LTBP1: variants seen among roughly 807,000 people sequenced by gnomAD.
The protein encoded by LTBP1 is latent-transforming growth factor beta-binding protein 1.
A neutral mutation model predicts 207.6 loss-of-function variants in LTBP1; 129 were observed. The ratio of observed to expected loss-of-function variants is 0.62; its 90% CI spans 0.54 to 0.72. The LOEUF is 0.72. Among genes scored for constraint, LTBP1 ranks in the 30% least tolerant of loss-of-function variants. The pLI, the probability that LTBP1 is intolerant of heterozygous loss-of-function variation, is 0.00. For missense variants in LTBP1, 2,281 were observed against 2,217.2 expected (o/e 1.03, Z -0.58); for synonymous variants, 963 against 833.7 (o/e 1.16, Z -2.67).
At chr2:33,277,490 A>G (rs927860548) in intron 18 of LTBP1, among the ~76,000 whole-genome samples, 1 of 152,118 alleles carries the variant, frequency 6.6e-6, no homozygotes, top group African/African-American at 2.4e-5. Context: ...TAAAATAGGA[A>G]CCATGAAGTT....
At chr2:33,091,035 G>A (rs1448209627) in intron 3 of LTBP1, among the ~76,000 whole-genome samples, 1 of 152,156 alleles carries the variant, frequency 6.6e-6, no homozygotes, top group African/African-American at 2.4e-5. Context: ...TGCTCTAATT[G>A]TACTTAAGAA....
At chr2:33,268,380 G>A (rs770820758) in intron 15 of LTBP1, among the ~76,000 whole-genome samples, 4 of 152,138 alleles carry the variant, frequency 2.6e-5, no homozygotes, top group East Asian at 1.9e-4. Context: ...AGAACAATAC[G>A]TAAGAGTCTA....
chr2:33,233,404 T>A (rs2091893405), intron 9 of LTBP1, among the ~76,000 whole-genome samples: 2 of 152,148 alleles, frequency 1.3e-5, no homozygotes, highest in African/African-American at 4.8e-5. Flanking sequence ...TGTTTTATAT[T>A]GTTTAAGTAT....
intron 2 of LTBP1, among the ~76,000 whole-genome samples, chr2:32,953,972 G>T (rs143677046): frequency 1.4e-3 from 207 of 152,286 alleles, no homozygotes; most frequent in African/African-American, 4.7e-3. Context: ...AGGAGCTGCC[G>T]ATGGGGTGGG....
At chr2:33,184,841 A>G (rs1177764360) in intron 5 of LTBP1, among the ~76,000 whole-genome samples, 1 of 151,034 alleles carries the variant, frequency 6.6e-6, no homozygotes, top group African/African-American at 2.4e-5. Flanking sequence ...GCAGTAAAAC[A>G]TAACAAGGTA....
At chr2:33,173,606 A>T (rs1249909046) in intron 5 of LTBP1, among the ~76,000 whole-genome samples, 1 of 140,732 alleles carries the variant, frequency 7.1e-6, no homozygotes, top group African/African-American at 2.6e-5. Flanking sequence ...TTCCTTCTGA[A>T]ACTATTCCAA....
chr2:33,319,724 C>T (rs2094326084), intron 24 of LTBP1, among the ~76,000 whole-genome samples: 1 of 152,138 alleles, frequency 6.6e-6, no homozygotes, highest in Non-Finnish European at 1.5e-5. Flanking sequence ...CCTGTGCACT[C>T]TATCCTGTTC....
chr2:33,265,776 T>A (rs2093160153), intron 15 of LTBP1, among the ~76,000 whole-genome samples: 1 of 152,208 alleles, frequency 6.6e-6, no homozygotes, highest in South Asian at 2.1e-4. Context: ...TGAACAGTTA[T>A]TTTTAGAGTC....
rs551772723 is a variant in LTBP1 at position 33,026,191 on chromosome 2, C to T, written c.863+4985C>T. On this transcript the variant is annotated intron_variant, in intron 3 of 33. Coordinates refer to ENST00000404816, the MANE Select transcript of LTBP1 (RefSeq NM_206943.4). Reference sequence around the variant, plus strand: ...AGGATCCAAGGAATTGGTCAGTAGTCAAACGGATGATTTCCTTAAACGATC... The same window carrying T: ...AGGATCCAAGGAATTGGTCAGTAGTTAAACGGATGATTTCCTTAAACGATC... Among the ~76,000 whole-genome samples, 4 of 152,272 alleles carry T rather than the reference C, an allele frequency of 2.6e-5. No homozygotes were observed. The East Asian group carries it at 5.8e-4, about 22-fold the overall frequency.
intron 5 of LTBP1, among the ~76,000 whole-genome samples, chr2:33,139,889 C>G (rs2082503850): frequency 6.6e-6 from 1 of 152,160 alleles, no homozygotes; most frequent in Non-Finnish European, 1.5e-5. Flanking sequence ...CAGATTGGTG[C>G]AAGGCTGTGG....
At chr2:33,306,431 G>A (rs150977094) in intron 22 of LTBP1, among the ~76,000 whole-genome samples, 2,704 of 152,042 alleles carry the variant, frequency 0.018, 85 homozygotes, top group African/African-American at 0.062. Context: ...TTAGCCGGCC[G>A]TGGTGGCAGG....
At chr2:33,241,985 G>A (rs1447945466) in intron 9 of LTBP1, among the ~76,000 whole-genome samples, 1 of 152,184 alleles carries the variant, frequency 6.6e-6, no homozygotes, top group Non-Finnish European at 1.5e-5. Flanking sequence ...TCATCTAGCT[G>A]TAGCAGTTTC....
intron 22 of LTBP1, among the ~76,000 whole-genome samples, chr2:33,304,381 C>G (rs765324550): frequency 1.3e-5 from 2 of 152,234 alleles, no homozygotes; most frequent in Non-Finnish European, 2.9e-5. Flanking sequence ...CCTCTGACAG[C>G]TGTGCAAGGA....
chr2:33,107,266 A>G (rs900357779), intron 3 of LTBP1, among the ~76,000 whole-genome samples: 1 of 152,218 alleles, frequency 6.6e-6, no homozygotes, highest in Admixed American at 6.5e-5. Flanking sequence ...TCCATGTAAA[A>G]TGTACTTTTT....
chr2:32,947,850 C>A (rs1676453506), intron 1 of LTBP1, 32 bp downstream of exon 1: 3 of 1,276,368 alleles, frequency 2.4e-6, no homozygotes, highest in South Asian at 5.9e-5. Flanking sequence ...CCCGCCCGCC[C>A]GCCTCGCGCG....
intron 3 of LTBP1, among the ~76,000 whole-genome samples, chr2:33,030,976 G>A (rs145489803): frequency 9.5e-4 from 144 of 152,066 alleles, no homozygotes; most frequent in African/African-American, 3.3e-3. Flanking sequence ...TCTGTTACAT[G>A]TGCTTATAAT....
chr2:33,173,918 C>G (rs2148498106), intron 5 of LTBP1, among the ~76,000 whole-genome samples: 1 of 145,270 alleles, frequency 6.9e-6, no homozygotes, highest in South Asian at 2.2e-4. Flanking sequence ...ATGATTATCT[C>G]AATAGATGCA....
At chr2:33,075,637 A>T (rs1473159266) in intron 3 of LTBP1, among the ~76,000 whole-genome samples, 1 of 152,194 alleles carries the variant, frequency 6.6e-6, no homozygotes, top group Non-Finnish European at 1.5e-5. Context: ...AAATGGCCTT[A>T]TGCGTGTTTG....
At chr2:33,138,069 G>A (rs1225265820) in intron 5 of LTBP1, among the ~76,000 whole-genome samples, 2 of 152,148 alleles carry the variant, frequency 1.3e-5, no homozygotes, top group Non-Finnish European at 2.9e-5. Context: ...ACACAGTGCA[G>A]GTCCTAATAG....
Sources: allele counts gnomAD v4.1 joint callset (sites outside exome capture counted in the v4.1 genomes callset), GRCh38; gene constraint gnomAD v4.1.1; transcripts MANE v1.5; gene names NCBI Gene and HGNC (gene_info 2026-07-23, HGNC 2026-07-21).